TENM1: variants seen among roughly 807,000 people sequenced by gnomAD.
TENM1 encodes the protein teneurin-1.
In TENM1, 35 loss-of-function variants were observed where a neutral mutation model predicts 174.8. That is an observed-to-expected ratio of 0.20 (90% CI 0.15 to 0.27). The LOEUF (loss-of-function observed/expected upper bound fraction) is 0.27, where lower values mean the gene tolerates loss of function less well. Among genes scored for constraint, TENM1 ranks in the 10% least tolerant of loss-of-function variants. TENM1 has a pLI of 1.00. For missense variants in TENM1, 1,633 were observed against 2,130.1 expected, an observed-to-expected ratio of 0.77 and a Z score of 4.59; for synonymous variants, 781 against 798.7, an observed-to-expected ratio of 0.98 and a Z score of 0.37.
At chrX:124,672,860 TTGTG>T (rs1196179181) in intron 5 of TENM1, among the ~76,000 whole-genome samples, 1 of 111,789 alleles carries the variant, frequency 8.9e-6, no homozygotes, top group African/African-American at 3.2e-5. Flanking sequence ...GTGTGTGTGT[TTGTG>T]TATGTGTGCA....
At chrX:124,787,001 T>C (rs1413977072) in intron 3 of TENM1, among the ~76,000 whole-genome samples, 1 of 112,088 alleles carries the variant, frequency 8.9e-6, no homozygotes, top group African/African-American at 3.2e-5. Flanking sequence ...TTAACAGTTC[T>C]GTACTCACGG....
At chrX:125,126,441 A>G in the TENM1 span, among the ~76,000 whole-genome samples, 1 of 111,214 alleles carries the variant, frequency 9.0e-6, no homozygotes, top group Non-Finnish European at 1.9e-5. Flanking sequence ...TATACTCCAG[A>G]GCCTTTGAAG....
At chrX:124,509,613 G>A (rs2047531893) in intron 18 of TENM1, among the ~76,000 whole-genome samples, 1 of 110,998 alleles carries the variant, frequency 9.0e-6, no homozygotes, top group Admixed American at 9.6e-5. Flanking sequence ...TGCCAGGCAG[G>A]TGATCTGTGA....
chrX:125,015,499 T>C, the TENM1 span, among the ~76,000 whole-genome samples: 298 of 112,031 alleles, frequency 2.7e-3, 1 homozygote, highest in African/African-American at 9.2e-3. Context: ...TTAGTATTGG[T>C]TGTCACTGCT....
chrX:124,451,472 T>C lies in TENM1; in HGVS notation c.4104+1865A>G, dbSNP rs139451303. On this transcript the variant is annotated intron_variant, in intron 23 of 31. Transcript: ENST00000422452. ...ACTTCGTAGTCACTATTTTTCTAAATTTCAGTCACTGTTTCATTTGACTTT... is the reference window on the plus strand; with the variant it reads ...ACTTCGTAGTCACTATTTTTCTAAACTTCAGTCACTGTTTCATTTGACTTT... Among the ~76,000 whole-genome samples, 11 of 112,279 alleles carry C rather than the reference T, an allele frequency of 9.8e-5. No homozygotes were observed. In the East Asian group the frequency reaches 3.1e-3, roughly 31 times the overall value.
At chrX:125,162,625 C>G in the TENM1 span, among the ~76,000 whole-genome samples, 4 of 111,834 alleles carry the variant, frequency 3.6e-5, no homozygotes, top group African/African-American at 1.3e-4. Flanking sequence ...TCATTGGCTA[C>G]TCTTCCTCCA....
intron 11 of TENM1, among the ~76,000 whole-genome samples, chrX:124,583,286 C>A (rs1236351956): frequency 1.3e-4 from 15 of 111,607 alleles, no homozygotes; most frequent in African/African-American, 3.3e-4. Context: ...AGGCACCCCC[C>A]AGTAGGGGCA....
chrX:124,875,012 T>C (rs1223575674), intron 3 of TENM1, among the ~76,000 whole-genome samples: 1 of 111,720 alleles, frequency 9.0e-6, no homozygotes, highest in African/African-American at 3.2e-5. Flanking sequence ...AAAGTATTCT[T>C]ATGTTTGTTT....
rs776118098 is a variant in TENM1, at chrX:124,763,795, T to C, written c.536-26598A>G. 2.7e-5 allele frequency among the ~76,000 whole-genome samples: 3 copies of C among 111,873 alleles called. No individual in the cohort carries two copies. In the East Asian group the frequency reaches 8.4e-4, roughly 31 times the overall value. On this transcript the variant is annotated intron_variant, in intron 3 of 31. Coordinates refer to ENST00000422452, the Ensembl canonical transcript of TENM1. Reference sequence around the variant, plus strand: ...TAAGTTGGAATGTTCACCCTAGATATAGTCTTCTATTTCTGGAGGGCATTC... The same window carrying C: ...TAAGTTGGAATGTTCACCCTAGATACAGTCTTCTATTTCTGGAGGGCATTC...
the TENM1 span, among the ~76,000 whole-genome samples, chrX:125,161,051 A>C: frequency 2.8e-5 from 3 of 107,691 alleles, no homozygotes; most frequent in East Asian, 2.9e-4. Flanking sequence ...AAAAAAAAAA[A>C]AAAAAAAAAA....
chrX:125,171,742 C>T, the TENM1 span, among the ~76,000 whole-genome samples: 2 of 111,398 alleles, frequency 1.8e-5, no homozygotes, highest in African/African-American at 3.3e-5. Context: ...AATTCCCAGC[C>T]TCCAGAACTA....
At chrX:124,898,551 T>C (rs965433655) in intron 1 of TENM1, among the ~76,000 whole-genome samples, 6 of 108,802 alleles carry the variant, frequency 5.5e-5, no homozygotes, top group Non-Finnish European at 1.1e-4. Flanking sequence ...GCATATGAGA[T>C]GTGGCTTTCC....
chrX:124,418,355 C>T (rs1378189669), intron 25 of TENM1, among the ~76,000 whole-genome samples: 1 of 108,483 alleles, frequency 9.2e-6, no homozygotes, highest in Non-Finnish European at 1.9e-5. Context: ...CCTCATACCA[C>T]CCCCCACCCC....
At chrX:124,533,840 G>A (rs925301809) in intron 15 of TENM1, among the ~76,000 whole-genome samples, 2 of 111,296 alleles carry the variant, frequency 1.8e-5, no homozygotes, top group African/African-American at 3.3e-5. Flanking sequence ...TCTTGTGTAC[G>A]CTCAACGGCA....
the TENM1 span, among the ~76,000 whole-genome samples, chrX:125,153,254 T>C: frequency 8.9e-6 from 1 of 111,873 alleles, no homozygotes; most frequent in East Asian, 2.8e-4. Context: ...GGAGATTTTT[T>C]TAAAAAATCA....
intron 1 of TENM1, among the ~76,000 whole-genome samples, chrX:124,927,557 G>A (rs2058108908): frequency 8.9e-6 from 1 of 112,014 alleles, no homozygotes; most frequent in African/African-American, 3.2e-5. Context: ...CTTGTAAGAA[G>A]TGTTATGCCT....
intron 2 of TENM1, among the ~76,000 whole-genome samples, chrX:124,894,601 A>G (rs1423048276): frequency 1.8e-5 from 2 of 112,119 alleles, no homozygotes. Context: ...ATACCTCATA[A>G]CAAGAGACTT....
chrX:124,436,317 A>C (rs1028569648), intron 23 of TENM1, among the ~76,000 whole-genome samples: 1 of 110,909 alleles, frequency 9.0e-6, no homozygotes, highest in Non-Finnish European at 1.9e-5. Context: ...CTGAGAAGCT[A>C]AAGGAGGGAG....
the TENM1 span, among the ~76,000 whole-genome samples, chrX:125,065,382 C>G: frequency 1.8e-5 from 2 of 112,094 alleles, no homozygotes; most frequent in Non-Finnish European, 3.8e-5. Flanking sequence ...TCTCATCAAA[C>G]AAGGGCAATT....
Sources: allele counts gnomAD v4.1 joint callset (sites outside exome capture counted in the v4.1 genomes callset), GRCh38; gene constraint gnomAD v4.1.1; transcripts MANE v1.5; gene names NCBI Gene and HGNC (gene_info 2026-07-23, HGNC 2026-07-21).